Variants in GET1 observed in about 807,000 individuals in gnomAD.
GET1 encodes the protein guided entry of tail-anchored proteins factor 1, also known as congenital heart disease 5 protein.
In GET1, 20 loss-of-function variants were observed where a neutral mutation model predicts 22.6. The ratio of observed to expected loss-of-function variants is 0.89; its 90% CI spans 0.62 to 1.29. The LOEUF (loss-of-function observed/expected upper bound fraction) is 1.29. Ranked by LOEUF, GET1 falls within the 50% of genes most tolerant of loss-of-function variation. The probability of loss-of-function intolerance (pLI) is 0.00; values close to 1 mark genes in which losing one functional copy is unlikely to be tolerated. For missense variants in GET1, 209 were observed against 219.9 expected (o/e 0.95, Z 0.31); for synonymous variants, 92 against 83.8 (o/e 1.10, Z -0.53).
At chr21:39,387,822 G>A (rs1000866020) in intron 1 of GET1, 1 of 985,744 alleles carries the variant, frequency 1.0e-6, no homozygotes, top group Non-Finnish European at 1.2e-6. Flanking sequence ...TAAATGGAGA[G>A]TTGTCCCTAC....
chr21:39,418,688 C>T (rs550064568), intron 1 of GET1, among the ~76,000 whole-genome samples: 8 of 151,810 alleles, frequency 5.3e-5, no homozygotes, highest in East Asian at 2.0e-4. Flanking sequence ...TTAGTAGAGA[C>T]GGGGTTTTGC....
At chr21:39,401,235 G>GA (rs1385097052), downstream of GET1, among the ~76,000 whole-genome samples, 3 of 152,048 alleles carry the variant, frequency 2.0e-5, no homozygotes, top group Non-Finnish European at 4.4e-5. Flanking sequence ...TTTTTGTAGA[G>GA]ACGGGGTCTT....
chr21:39,384,474 G>A (rs1433596459), intron 1 of GET1, among the ~76,000 whole-genome samples: 2 of 151,490 alleles, frequency 1.3e-5, no homozygotes, highest in Non-Finnish European at 2.9e-5. Context: ...TGGCCTGGCT[G>A]GTCTCGAACT....
rs1443268784 is a variant in GET1 at position 39,403,481 on chromosome 21, A to G, written c.350-2433A>G. ...AGCTGGGACTAAAGGCGCCGCCACC[A>G]CGCCCGGCTAATTTTTTGTTATTTT... On this transcript the variant is annotated intron_variant, in intron 4 of 4. Coordinates refer to the GET1 transcript ENST00000415847. Among the ~76,000 whole-genome samples, 5 of 150,378 alleles carry G rather than the reference A, an allele frequency of 3.3e-5. No individual in the cohort carries two copies. In the East Asian group the frequency reaches 8.0e-4, roughly 24 times the overall value.
downstream of GET1, among the ~76,000 whole-genome samples, chr21:39,409,817 C>T (rs922555119): frequency 5.9e-5 from 9 of 152,198 alleles, no homozygotes; most frequent in African/African-American, 2.2e-4. The surrounding 1 kb of genome is among the most constrained non-coding windows in gnomAD (Gnocchi z 4.2). Flanking sequence ...TGGTCTCAAA[C>T]TCTTGACCTC....
At chr21:39,403,463 A>G (rs1420664494) in intron 4 of GET1, among the ~76,000 whole-genome samples, 7 of 151,694 alleles carry the variant, frequency 4.6e-5, no homozygotes, top group Non-Finnish European at 5.9e-5. Flanking sequence ...AGTAGCTGGG[A>G]CTAAAGGCGC....
chr21:39,421,759 C>T (rs932815587), intron 1 of GET1: 2 of 152,072 alleles, frequency 1.3e-5, no homozygotes, highest in African/African-American at 2.4e-5. Flanking sequence ...CTAAAAATAC[C>T]ACTCCCTAAA....
In GET1 at chr21:39,419,881, A is replaced by C. The variant is rs115329930; in HGVS notation, c.*24-8351A>C. On this transcript the variant is annotated intron_variant, in intron 1 of 1. Coordinates refer to the GET1 transcript ENST00000478273. Reference sequence around the variant, plus strand: ...GCAGAAAGATAGCAAAAAGCCTGACAAAATATTTTAAAAATTCTTATTTTT... The same window carrying C: ...GCAGAAAGATAGCAAAAAGCCTGACCAAATATTTTAAAAATTCTTATTTTT... Among the ~76,000 whole-genome samples the C allele has an allele frequency of 4.2e-3, 643 of 152,352 alleles. 4 individuals are homozygous for C. The highest frequency in any genetic ancestry group is 0.015 in the African/African-American group (629 of 41,574).
At chr21:39,401,952 C>T (rs2038850650), downstream of GET1, among the ~76,000 whole-genome samples, 1 of 152,092 alleles carries the variant, frequency 6.6e-6, no homozygotes, top group Non-Finnish European at 1.5e-5. Flanking sequence ...CCCGTCTCTC[C>T]CCCTTCCCCA....
chr21:39,420,038 G>T (rs1381377196), intron 1 of GET1, among the ~76,000 whole-genome samples: 1 of 152,072 alleles, frequency 6.6e-6, no homozygotes, highest in Non-Finnish European at 1.5e-5. Context: ...ACATTAAAAT[G>T]TTAACAAACG....
Position 39,393,244 on chromosome 21 carries a change from C to T in GET1, c.415C>T (p.Leu139=). 1 of 1,614,188 alleles carries T rather than the reference C, an allele frequency of 6.2e-7. No individual in the cohort carries two copies. Among genetic ancestry groups the T allele is most frequent in the Non-Finnish European group, 8.5e-7 (1 of 1,180,026 alleles). The stretch of plus-strand genomic sequence containing the variant: ...CGTGCCGAGTAAATGGATAACCCCT[C>T]TAGACCGCCTGGTAGCCTTTCCTAC... ...AVVPSKWITP[L]DRLVAFPTRV... Residue 139 remains leucine (L), a synonymous_variant, in exon 4 of 5, where the codon CTA becomes TTA. Transcript: ENST00000649170.
intron 1 of GET1, among the ~76,000 whole-genome samples, chr21:39,413,350 G>C (rs2040444123): frequency 6.6e-6 from 1 of 152,186 alleles, no homozygotes; most frequent in African/African-American, 2.4e-5. Flanking sequence ...GCATAAGACT[G>C]TTTTGAGTTA....
chr21:39,387,576 AAG>A (rs1187295562), intron 1 of GET1, among the ~76,000 whole-genome samples: 2 of 152,082 alleles, frequency 1.3e-5, no homozygotes, highest in Non-Finnish European at 2.9e-5. Context: ...AGGCACCACA[AAG>A]AGAGCTGGAT....
downstream of GET1, among the ~76,000 whole-genome samples, chr21:39,401,702 G>A (rs923750013): frequency 1.3e-5 from 2 of 152,168 alleles, no homozygotes; most frequent in African/African-American, 2.4e-5. Context: ...CCTGCATCGA[G>A]CAAGTCTGTC....
At chr21:39,416,593 T>C (rs901255702) in intron 1 of GET1, among the ~76,000 whole-genome samples, 4 of 152,194 alleles carry the variant, frequency 2.6e-5, no homozygotes, top group Admixed American at 1.3e-4. Context: ...TCTGAGAATA[T>C]TGCATACTTT....
exon 5 of GET1, chr21:39,406,361 G>A: frequency 1.9e-6 from 3 of 1,614,168 alleles, no homozygotes; most frequent in Non-Finnish European, 2.5e-6. Context: ...TTCGTGTAGG[G>A]AGCAGTGCCT....
Position 39,420,411 on chromosome 21 carries a change from T to C in GET1, c.*24-7821T>C, listed in dbSNP as rs2042083439. ...GGTGTTGCATGCCTGTACTCCTAGC[T>C]ACTCAGGAGGTTGAGATAAGAGAAT... On this transcript the variant is annotated intron_variant, in intron 1 of 1. Transcript: ENST00000478273. Among the ~76,000 whole-genome samples, 3 of 147,500 alleles carry C rather than the reference T, an allele frequency of 2.0e-5. No individual in the cohort carries two copies. The South Asian group carries it at 6.4e-4, about 31-fold the overall frequency.
In GET1 at chr21:39,390,709, G is replaced by A; in HGVS notation, c.114G>A (p.Val38=). Residue 38 remains valine (V), a synonymous_variant, in exon 2 of 5, where the codon GTG becomes GTA. Transcript: ENST00000649170. ...GTCCGCCCTGCCAGATGTCCAGGGT[G>A]CTGCAGAAGGACGCGGAGCAGGAGT... ...LPSFSSFMSR[V]LQKDAEQESQ... 6.2e-7 allele frequency: 1 copy of A among 1,614,180 alleles called. No individual in the cohort carries two copies. Among genetic ancestry groups the A allele is most frequent in the South Asian group, 1.1e-5 (1 of 91,082 alleles).
chr21:39,420,662 G>A (rs1395221209), intron 1 of GET1: 10 of 1,538,424 alleles, frequency 6.5e-6, no homozygotes, highest in African/African-American at 2.7e-5. Context: ...CATATATTTC[G>A]GGAAACAGGA....
Sources: allele counts gnomAD v4.1 joint callset (sites outside exome capture counted in the v4.1 genomes callset), GRCh38; gene constraint gnomAD v4.1.1; non-coding constraint Gnocchi (gnomAD v3.1); transcripts MANE v1.5; gene names NCBI Gene and HGNC (gene_info 2026-07-23, HGNC 2026-07-21).